CUL4A: variants seen among roughly 807,000 people sequenced by gnomAD.
CUL4A encodes the protein cullin 4A.
CUL4A carries 16 observed loss-of-function variants against 95.5 expected under a neutral mutation model. The ratio of observed to expected loss-of-function variants is 0.17; its 90% confidence interval spans 0.11 to 0.25. CUL4A has a LOEUF of 0.25. Among genes scored for constraint, CUL4A ranks in the 10% least tolerant of loss-of-function variants. The pLI is 1.00. For synonymous variants in CUL4A, 380 were observed against 353.1 expected (o/e 1.08, Z -0.85); for missense variants, 610 against 937.0 (o/e 0.65, Z 4.56).
At chr13:113,221,704 A>C (rs1006832577) in intron 3 of CUL4A, among the ~76,000 whole-genome samples, 1 of 151,744 alleles carries the variant, frequency 6.6e-6, no homozygotes, top group African/African-American at 2.4e-5. Flanking sequence ...CGGCCTTTCC[A>C]GTAGCTGGGA....
Position 113,263,472 on chromosome 13 carries a change from ATTC to A in CUL4A, c.2185-9_2185-7del, listed in dbSNP as rs761197737. ...ATGCCATTGTAATTAGGGGGGTTTT[ATTC>A]TTCTTTTTTAGCCTGGAGATTTGAA... On this transcript the variant is annotated splice_polypyrimidine_tract_variant and intron_variant, in intron 19 of 19. Coordinates refer to ENST00000375440, the MANE Select transcript of CUL4A (RefSeq NM_001008895.4). The A allele has an allele frequency of 4.2e-5, 66 of 1,561,312 alleles. No individual in the cohort carries two copies. The highest frequency in any genetic ancestry group is 6.8e-5 in the African/African-American group (5 of 73,350).
intron 9 of CUL4A, among the ~76,000 whole-genome samples, chr13:113,238,603 A>T (rs897857903): frequency 3.3e-5 from 5 of 152,246 alleles, no homozygotes; most frequent in African/African-American, 1.2e-4. Flanking sequence ...ATACTTTTGA[A>T]TTCTTAAGAC....
chr13:113,215,140 G>T (rs1273864849), intron 2 of CUL4A, among the ~76,000 whole-genome samples: 1 of 150,688 alleles, frequency 6.6e-6, no homozygotes, highest in African/African-American at 2.4e-5. Context: ...CGCGTTCCGT[G>T]TGGCTGTGGA....
chr13:113,240,355 CCT>C (rs1281994739), intron 10 of CUL4A, among the ~76,000 whole-genome samples: 1 of 152,248 alleles, frequency 6.6e-6, no homozygotes, highest in Admixed American at 6.5e-5. Flanking sequence ...GCCCAAGAAA[CCT>C]GCTGAAGACC....
chr13:113,222,205 G>A (rs1222894036), intron 3 of CUL4A, among the ~76,000 whole-genome samples: 2 of 152,204 alleles, frequency 1.3e-5, no homozygotes, highest in Non-Finnish European at 2.9e-5. Flanking sequence ...TGAACCAAGA[G>A]GTTGAGGTTT....
At chr13:113,231,957 C>T (rs868588256) in intron 5 of CUL4A, among the ~76,000 whole-genome samples, 1 of 150,728 alleles carries the variant, frequency 6.6e-6, no homozygotes, top group Non-Finnish European at 1.5e-5. Flanking sequence ...ACCACTGCCA[C>T]CATAATATTA....
intron 6 of CUL4A, 39 bp downstream of exon 6, chr13:113,233,378 C>T: frequency 6.4e-7 from 1 of 1,563,046 alleles, no homozygotes; most frequent in South Asian, 1.1e-5. Context: ...GGGTACCTGC[C>T]CAGCTACTTG....
chr13:113,214,336 A>G (rs2040565874), intron 2 of CUL4A, among the ~76,000 whole-genome samples: 1 of 151,904 alleles, frequency 6.6e-6, no homozygotes, highest in African/African-American at 2.4e-5. Flanking sequence ...GTAATAACTA[A>G]CTCCTGAAGA....
chr13:113,219,314 T>C, intron 3 of CUL4A: 2 of 341,964 alleles, frequency 5.8e-6, no homozygotes, highest in South Asian at 4.1e-5. Context: ...GAGTATCCTT[T>C]ATTCTAATAA....
intron 18 of CUL4A, among the ~76,000 whole-genome samples, chr13:113,258,271 G>A (rs1004715228): frequency 5.9e-5 from 9 of 152,124 alleles, no homozygotes; most frequent in African/African-American, 1.2e-4. Flanking sequence ...GATTACAGCC[G>A]TGAGCCACCG....
At chr13:113,242,749 G>A (rs1595402963) in intron 10 of CUL4A, among the ~76,000 whole-genome samples, 1 of 152,182 alleles carries the variant, frequency 6.6e-6, no homozygotes, top group Admixed American at 6.5e-5. Context: ...TTGCACCACC[G>A]CACTCCAGCC....
chr13:113,229,559 G>A, intron 5 of CUL4A, 40 bp downstream of exon 5: 1 of 1,542,806 alleles, frequency 6.5e-7, no homozygotes, highest in Non-Finnish European at 8.9e-7. Flanking sequence ...CTTCCCTGCA[G>A]CTGATGCTTT....
chr13:113,246,778 T>C (rs1366281001), intron 15 of CUL4A, among the ~76,000 whole-genome samples: 1 of 152,188 alleles, frequency 6.6e-6, no homozygotes, highest in Non-Finnish European at 1.5e-5. Context: ...CCTTAACAAA[T>C]TTATTTAATC....
chr13:113,253,304 C>T (rs375236611), intron 16 of CUL4A, 109 bp downstream of exon 16: 1 of 471,732 alleles, frequency 2.1e-6, no homozygotes, highest in South Asian at 5.7e-5. Flanking sequence ...CTTTAATTCA[C>T]TAGCTTTTAT....
rs768261236 is a variant in CUL4A, at chr13:113,218,933, T to C, written c.265-12T>C. ...TCATACTGAAGAATTGATGTAGCCC[T>C]TTTGTTTGCAGGCTGTGGAAAATCT... On this transcript the variant is annotated splice_polypyrimidine_tract_variant and intron_variant, in intron 2 of 19. Coordinates refer to ENST00000375440, the MANE Select transcript of CUL4A (RefSeq NM_001008895.4). The C allele has an allele frequency of 8.8e-6, 14 of 1,582,590 alleles. No individual in the cohort carries two copies. Among genetic ancestry groups the C allele is most frequent in the Non-Finnish European group, 1.2e-5 (14 of 1,156,470 alleles).
At chr13:113,224,484 C>T (rs1052940359) in intron 3 of CUL4A, among the ~76,000 whole-genome samples, 4 of 152,226 alleles carry the variant, frequency 2.6e-5, no homozygotes, top group African/African-American at 7.2e-5. Flanking sequence ...GAATGCCAGG[C>T]AGTGGTGGAC....
At chr13:113,208,404 C>G, upstream of CUL4A, 1 of 1,473,872 alleles carries the variant, frequency 6.8e-7, no homozygotes. Context: ...GGCGGCCCTG[C>G]AGGGGAGAAC....
Position 113,243,124 on chromosome 13 carries a change from A to G in CUL4A, c.1192A>G (p.Ile398Val). 1 of 1,614,092 alleles carries G rather than the reference A, an allele frequency of 6.2e-7. No homozygotes were observed. Among genetic ancestry groups the G allele is most frequent in the South Asian group, 1.1e-5 (1 of 91,080 alleles). ...GATGAAGGAGTCCTTTGAGACGTTC[A>G]TCAACAAGAGACCCAACAAGCCTGC... The part of the protein sequence containing the change: ...NLMKESFETF[I>V]NKRPNKPAEL... Residue 398 changes from isoleucine to valine, a missense_variant, in exon 11 of 20, where the codon ATC becomes GTC. Around this residue, in one of 10 missense-constraint regions of CUL4A, gnomAD observed 153 missense variants for 244.5 expected, o/e 0.63. Transcript: ENST00000375440.
intron 19 of CUL4A, among the ~76,000 whole-genome samples, chr13:113,263,206 A>C (rs1390212923): frequency 1.3e-5 from 2 of 152,148 alleles, no homozygotes; most frequent in Admixed American, 1.3e-4. Flanking sequence ...ATGTATGTAC[A>C]TTTCACAAGT....
Sources: gnomAD v4.1 joint callset for allele counts (sites outside exome capture counted in the v4.1 genomes callset) on GRCh38, gnomAD v4.1.1 for gene constraint, gnomAD v4.1.1 regional missense constraint, MANE v1.5 for transcripts, NCBI Gene and HGNC (gene_info 2026-07-23, HGNC 2026-07-21) for gene names.